Variants in SGCZ observed in about 807,000 individuals in gnomAD.
The protein encoded by SGCZ is zeta-sarcoglycan.
Under a neutral mutation model 41.3 loss-of-function variants are expected in SGCZ, and 40 were observed. The ratio of observed to expected loss-of-function variants is 0.97; its 90% CI spans 0.75 to 1.26. The LOEUF (loss-of-function observed/expected upper bound fraction) is 1.26, where lower values mean the gene tolerates loss of function less well. Among genes scored for constraint, SGCZ ranks in the 50% most tolerant of loss-of-function variants. SGCZ has a pLI of 0.00. For synonymous variants in SGCZ, 206 were observed against 137.5 expected (o/e 1.50, Z -3.49); for missense variants, 552 against 369.8 (o/e 1.49, Z -4.04).
rs1802949765 is a variant in SGCZ, at chr8:14,526,350, TC to T, written c.234+28381del. On this transcript the variant is annotated intron_variant, in intron 2 of 7. Transcript: ENST00000382080. ...CTATCGATGTGGCAATAGTCAGAGT[TC>T]TTTTCTATTTGATGACAGCCGTCCC... Among the ~76,000 whole-genome samples the T allele has an allele frequency of 2.0e-5, 3 of 152,136 alleles. No homozygotes were observed. The South Asian group carries it at 6.2e-4, about 32-fold the overall frequency.
At chr8:15,037,614 T>C (rs778791689) in intron 1 of SGCZ, among the ~76,000 whole-genome samples, 10 of 152,258 alleles carry the variant, frequency 6.6e-5, no homozygotes, top group African/African-American at 2.4e-4. Flanking sequence ...TTACTGAAAG[T>C]ACTAGCCAGA....
At chr8:14,581,212 G>T (rs1006385457) in intron 1 of SGCZ, among the ~76,000 whole-genome samples, 1 of 151,982 alleles carries the variant, frequency 6.6e-6, no homozygotes, top group African/African-American at 2.4e-5. Context: ...AGGTTCAAGC[G>T]ATTCTCCTGC....
chr8:14,260,502 C>T (rs1346477302), intron 3 of SGCZ, among the ~76,000 whole-genome samples: 1 of 146,608 alleles, frequency 6.8e-6, no homozygotes, highest in Admixed American at 7.0e-5. Context: ...GTTGGCGGGA[C>T]TGTAAACTAG....
chr8:15,013,189 T>C (rs1274213908), intron 1 of SGCZ, among the ~76,000 whole-genome samples: 1 of 152,190 alleles, frequency 6.6e-6, no homozygotes, highest in African/African-American at 2.4e-5. Context: ...TACAGATATA[T>C]ATCCCATTTC....
intron 5 of SGCZ, among the ~76,000 whole-genome samples, chr8:14,154,306 G>T (rs1392918346): frequency 6.6e-6 from 1 of 152,006 alleles, no homozygotes; most frequent in African/African-American, 2.4e-5. Flanking sequence ...GAGGCAGAGG[G>T]TGCAGTGAGC....
chr8:14,304,613 T>C (rs1017933316), intron 3 of SGCZ, among the ~76,000 whole-genome samples: 12 of 152,168 alleles, frequency 7.9e-5, no homozygotes, highest in Non-Finnish European at 1.8e-4. Context: ...ATGAAAGTAT[T>C]TTTATAACAG....
At chr8:14,428,731 G>A (rs1799860870) in intron 2 of SGCZ, among the ~76,000 whole-genome samples, 1 of 152,186 alleles carries the variant, frequency 6.6e-6, no homozygotes, top group Admixed American at 6.5e-5. Flanking sequence ...CTTTAAGAAG[G>A]CTCTGGTAGT....
At chr8:15,101,299 GA>G (rs1187003638) in intron 1 of SGCZ, among the ~76,000 whole-genome samples, 1 of 152,054 alleles carries the variant, frequency 6.6e-6, no homozygotes, top group African/African-American at 2.4e-5. Flanking sequence ...GGAATGAAAA[GA>G]AAAGTCAAAG....
chr8:14,177,622 G>A (rs896483498), intron 4 of SGCZ, among the ~76,000 whole-genome samples: 1 of 151,242 alleles, frequency 6.6e-6, no homozygotes, highest in Non-Finnish European at 1.5e-5. Flanking sequence ...CCATTCTCCT[G>A]CCTCAGCCTC....
intron 2 of SGCZ, among the ~76,000 whole-genome samples, chr8:14,451,013 C>A (rs1800577700): frequency 6.6e-6 from 1 of 152,138 alleles, no homozygotes; most frequent in African/African-American, 2.4e-5. Context: ...AGCTGCTTTG[C>A]TCCAAAACCA....
intron 1 of SGCZ, among the ~76,000 whole-genome samples, chr8:14,835,299 TCCAA>T (rs1293363212): frequency 3.9e-5 from 6 of 152,314 alleles, no homozygotes; most frequent in African/African-American, 1.4e-4. Flanking sequence ...ATACTAGGAT[TCCAA>T]ATAAATACTA....
chr8:14,104,950 A>T (rs1032447438), intron 6 of SGCZ, among the ~76,000 whole-genome samples: 1 of 152,106 alleles, frequency 6.6e-6, no homozygotes, highest in South Asian at 2.1e-4. Context: ...ATCCAAAAAA[A>T]ATCTTTAGGA....
At chr8:14,792,792 C>T (rs1330032613) in intron 1 of SGCZ, among the ~76,000 whole-genome samples, 1 of 152,014 alleles carries the variant, frequency 6.6e-6, no homozygotes, top group East Asian at 1.9e-4. Flanking sequence ...CTTTTCCATA[C>T]CCTTCTGTTG....
chr8:14,280,595 G>A (rs80325606), intron 3 of SGCZ, among the ~76,000 whole-genome samples: 9,418 of 151,950 alleles, frequency 0.062, 917 homozygotes, highest in African/African-American at 0.2. Context: ...CTCTGAGGAT[G>A]TGTTAATGGC....
chr8:14,336,813 T>C (rs369175477), intron 2 of SGCZ, among the ~76,000 whole-genome samples: 3 of 152,290 alleles, frequency 2.0e-5, no homozygotes, highest in African/African-American at 2.4e-5. Context: ...TGGAACTGTT[T>C]CTTCTGTTGT....
intron 1 of SGCZ, among the ~76,000 whole-genome samples, chr8:14,871,349 A>T (rs139540971): frequency 0.028 from 4,241 of 152,238 alleles, 63 homozygotes; most frequent in Middle Eastern, 0.048. Flanking sequence ...GATCTAGAAC[A>T]AGAAATACCA....
intron 2 of SGCZ, among the ~76,000 whole-genome samples, chr8:14,352,646 T>A (rs922390107): frequency 1.3e-5 from 2 of 152,062 alleles, no homozygotes; most frequent in African/African-American, 4.8e-5. Flanking sequence ...CCGTAGAGCT[T>A]GTTCCCAAAG....
At chr8:14,176,626 G>A (rs1027020035) in intron 4 of SGCZ, among the ~76,000 whole-genome samples, 1 of 152,124 alleles carries the variant, frequency 6.6e-6, no homozygotes, top group African/African-American at 2.4e-5. Context: ...TTCTCAAAAT[G>A]TATGCAGTAT....
intron 1 of SGCZ, among the ~76,000 whole-genome samples, chr8:15,003,026 T>C (rs1292422575): frequency 6.6e-6 from 1 of 152,190 alleles, no homozygotes; most frequent in Non-Finnish European, 1.5e-5. Flanking sequence ...AACGTAACTT[T>C]GCTCCTCCTT....
Sources: allele counts gnomAD v4.1 joint callset (sites outside exome capture counted in the v4.1 genomes callset), GRCh38; gene constraint gnomAD v4.1.1; transcripts MANE v1.5; gene names NCBI Gene and HGNC (gene_info 2026-07-23, HGNC 2026-07-21).